GALM: variants seen among roughly 807,000 people sequenced by gnomAD.
GALM encodes galactose mutarotase.
Under a neutral mutation model 37.4 loss-of-function variants are expected in GALM, and 43 were observed. The observed-to-expected ratio is 1.15, with a 90% CI of 0.90 to 1.48. The LOEUF (loss-of-function observed/expected upper bound fraction) is 1.48. Ranked by LOEUF, GALM falls within the 40% of genes most tolerant of loss-of-function variation. GALM has a pLI of 0.00. For synonymous variants in GALM, 199 were observed against 170.6 expected, an observed-to-expected ratio of 1.17 and a Z score of -1.30; for missense variants, 456 against 419.1, an observed-to-expected ratio of 1.09 and a Z score of -0.77.
chr2:38,681,297 G>C lies in GALM; in HGVS notation c.363G>C (p.Arg121=), dbSNP rs1166667328. The change falls in exon 3 of 7, where the codon CGG becomes CGC. Residue 121 remains arginine (R), a synonymous_variant. Coordinates refer to ENST00000272252, the MANE Select transcript of GALM (RefSeq NM_138801.3). ...TTTTCCAGGTGCTCTGGACCCCTCG[G>C]GTGCTGTCAAATGGCGTCCAGTTCT... is the stretch of plus-strand genomic sequence containing the variant. ...RGFDKVLWTP[R]VLSNGVQFSR... is the part of the protein sequence containing the mutation. 3 of 1,613,258 alleles carry C rather than the reference G, an allele frequency of 1.9e-6. No individual in the cohort carries two copies. The highest frequency in any genetic ancestry group is 3.3e-5 in the Admixed American group (2 of 59,994).
chr2:38,721,822 G>C lies in GALM; in HGVS notation c.635-7734G>C, dbSNP rs556896748. On this transcript the variant is annotated intron_variant, in intron 4 of 6. Coordinates refer to ENST00000272252, the MANE Select transcript of GALM (RefSeq NM_138801.3). ...TGAGCCACCGCGCCTGGTCCACTCA[G>C]CTTGAGATCCACTCATCCAATGATC... Among the ~76,000 whole-genome samples, 96 of 152,082 alleles carry C rather than the reference G, an allele frequency of 6.3e-4. No homozygotes were observed. The Middle Eastern group carries it at 0.01, about 16-fold the overall frequency.
intron 2 of GALM, chr2:38,680,031 T>A (rs1324297838): frequency 2.2e-6 from 1 of 455,476 alleles, no homozygotes; most frequent in Non-Finnish European, 4.4e-6. Context: ...ATTTACTTTT[T>A]TGAGACAATG....
chr2:38,699,039 G>A (rs1346586296), intron 4 of GALM, among the ~76,000 whole-genome samples: 1 of 152,062 alleles, frequency 6.6e-6, no homozygotes, highest in Non-Finnish European at 1.5e-5. Flanking sequence ...TCAGCCTCCC[G>A]AGTAGCTGGG....
chr2:38,677,176 C>G (rs565980346), intron 2 of GALM, among the ~76,000 whole-genome samples: 1 of 152,240 alleles, frequency 6.6e-6, no homozygotes, highest in Non-Finnish European at 1.5e-5. Flanking sequence ...AGTGATTGCT[C>G]TCTTACTAGT....
rs1665395416 is a variant in GALM at position 38,681,455 on chromosome 2, C to A, written c.521C>A (p.Thr174Asn). ...QASQATPVNL[T>N]NHSYFNLAGQ... is the part of the protein sequence containing the mutation. The stretch of plus-strand genomic sequence containing the variant: ...AGTCAGGCCACACCAGTCAACCTGA[C>A]CAACCATTCTTACTTCAACCTGGCA... Residue 174 changes from threonine to asparagine, a missense_variant, in exon 3 of 7, where the codon ACC becomes AAC. Coordinates refer to ENST00000272252, the MANE Select transcript of GALM (RefSeq NM_138801.3). 1.2e-6 allele frequency: 2 copies of A among 1,614,044 alleles called. No homozygotes were observed. Among genetic ancestry groups the A allele is most frequent in the South Asian group, 1.1e-5 (1 of 91,090 alleles).
chr2:38,677,593 C>T lies in GALM; in HGVS notation c.345+1527C>T, dbSNP rs907042472. 1.4e-4 allele frequency among the ~76,000 whole-genome samples: 21 copies of T among 152,312 alleles called. No individual in the cohort carries two copies. The East Asian group carries it at 4.0e-3, about 29-fold the overall frequency. The stretch of plus-strand genomic sequence containing the variant: ...CTTCAGACAGGGATCTTCAGAGGAG[C>T]CTTAGGACAGCACCTCGTTCTAGCT... On this transcript the variant is annotated intron_variant, in intron 2 of 6. Coordinates refer to ENST00000272252, the MANE Select transcript of GALM (RefSeq NM_138801.3).
chr2:38,671,539 CT>C lies in GALM; in HGVS notation c.191-4372del, dbSNP rs199564874. 434 of 152,200 alleles carry C rather than the reference CT, an allele frequency of 2.9e-3. 6 individuals are homozygous for C. Among genetic ancestry groups the C allele is most frequent in the African/African-American group, 9.9e-3 (411 of 41,496 alleles). The allele number at this position is 152,200 out of a possible 1,614,324, so 9.4% of individuals were successfully genotyped here. A position where few individuals can be genotyped will look rare whatever the true frequency, so the allele number is the denominator to read the frequency against. ...AGAACAGCATGGGGGAACCGCCCCC[CT>C]GATCCAATTACCTCCACCAGGTGGG... On this transcript the variant is annotated intron_variant, in intron 1 of 6. Coordinates refer to ENST00000272252, the MANE Select transcript of GALM (RefSeq NM_138801.3).
At chr2:38,673,666 C>T (rs943979591) in intron 1 of GALM, among the ~76,000 whole-genome samples, 1 of 151,818 alleles carries the variant, frequency 6.6e-6, no homozygotes, top group East Asian at 1.9e-4. Flanking sequence ...AAAAATAAGC[C>T]GGGCATGGTG....
At chr2:38,720,905 C>G (rs1439611537) in intron 4 of GALM, among the ~76,000 whole-genome samples, 1 of 152,246 alleles carries the variant, frequency 6.6e-6, no homozygotes, top group East Asian at 1.9e-4. Flanking sequence ...CATAACCTGG[C>G]TGCAGAAATC....
intron 4 of GALM, among the ~76,000 whole-genome samples, chr2:38,726,230 ATTT>A (rs368564868): frequency 7.9e-6 from 1 of 126,180 alleles, no homozygotes. Context: ...TTTTTTTTTT[ATTT>A]TTTTTTTTTT....
chr2:38,721,466 T>C (rs1329415904), intron 4 of GALM, among the ~76,000 whole-genome samples: 1 of 152,180 alleles, frequency 6.6e-6, no homozygotes, highest in Non-Finnish European at 1.5e-5. Flanking sequence ...AACATCACTC[T>C]TGTCATAATC....
intron 3 of GALM, among the ~76,000 whole-genome samples, chr2:38,689,437 G>T (rs1374052665): frequency 1.3e-5 from 2 of 152,188 alleles, no homozygotes; most frequent in African/African-American, 2.4e-5. Context: ...TGACCTCTCA[G>T]GATGTGTGTG....
chr2:38,701,063 T>C (rs553192823), intron 4 of GALM, among the ~76,000 whole-genome samples: 11 of 152,380 alleles, frequency 7.2e-5, no homozygotes, highest in African/African-American at 2.2e-4. Flanking sequence ...GACCTGATTC[T>C]AGTTCCCTGC....
intron 4 of GALM, among the ~76,000 whole-genome samples, chr2:38,710,504 A>G (rs1666126762): frequency 6.6e-6 from 1 of 152,204 alleles, no homozygotes; most frequent in African/African-American, 2.4e-5. Flanking sequence ...TTAAGGCATT[A>G]GAAAGTGGCT....
At chr2:38,725,942 C>G (rs1268155839) in intron 4 of GALM, among the ~76,000 whole-genome samples, 2 of 152,070 alleles carry the variant, frequency 1.3e-5, no homozygotes, top group East Asian at 3.9e-4. Context: ...AAACTCCTGA[C>G]CTCAAGTGAT....
Position 38,666,207 on chromosome 2 carries a change from G to C in GALM, c.46G>C (p.Gly16Arg), listed in dbSNP as rs1664927587. The stretch of plus-strand genomic sequence containing the variant: ...CGTGTTTGGAGAGCTGCCCTCGGGA[G>C]GAGGGACAGTGGAGAAGTTCCAGCT... Reference protein sequence around the residue: ...RAVFGELPSGGGTVEKFQLQS... With the variant: ...RAVFGELPSGRGTVEKFQLQS... Residue 16 changes from glycine to arginine, a missense_variant, in exon 1 of 7, where the codon GGA becomes CGA. By Grantham distance (125) the Gly-to-Arg change is moderately radical (BLOSUM62 -2). Transcript: ENST00000272252. The C allele has an allele frequency of 1.2e-6, 2 of 1,613,764 alleles. No individual in the cohort carries two copies. The highest frequency in any genetic ancestry group is 2.7e-5 in the African/African-American group (2 of 74,910).
intron 2 of GALM, among the ~76,000 whole-genome samples, chr2:38,677,957 G>A (rs946440058): frequency 1.3e-5 from 2 of 152,052 alleles, no homozygotes; most frequent in African/African-American, 2.4e-5. Flanking sequence ...TTCAATACAT[G>A]GATATGGGAG....
intron 4 of GALM, among the ~76,000 whole-genome samples, chr2:38,725,525 G>T (rs10201210): frequency 6.9e-4 from 103 of 148,440 alleles, no homozygotes; most frequent in African/African-American, 2.5e-3. Flanking sequence ...AACAGAACGA[G>T]ACCCTCGCTC....
intron 4 of GALM, among the ~76,000 whole-genome samples, chr2:38,723,812 A>G (rs1471748357): frequency 2.7e-5 from 4 of 145,776 alleles, no homozygotes; most frequent in East Asian, 4.1e-4. Flanking sequence ...CAAAAAAAAA[A>G]GCAAAAACAA....
Sources: allele counts gnomAD v4.1 joint callset (sites outside exome capture counted in the v4.1 genomes callset), GRCh38; gene constraint gnomAD v4.1.1; transcripts MANE v1.5; gene names NCBI Gene and HGNC (gene_info 2026-07-23, HGNC 2026-07-21).